IRAK2: variants seen among roughly 807,000 people sequenced by gnomAD.
IRAK2 encodes interleukin 1 receptor associated kinase 2.
In IRAK2, 57 loss-of-function variants were observed where a neutral mutation model predicts 72.0. That is an observed-to-expected ratio of 0.79 (90% confidence interval 0.64 to 0.99). The LOEUF is 0.99. IRAK2 is among the 50% of genes least tolerant of loss of function. The pLI, the probability that IRAK2 is intolerant of heterozygous loss-of-function variation, is 0.00. For synonymous variants in IRAK2, 293 were observed against 312.7 expected, an observed-to-expected ratio of 0.94 and a Z score of 0.67; for missense variants, 790 against 794.4, an observed-to-expected ratio of 0.99 and a Z score of 0.07.
Position 10,209,605 on chromosome 3 carries a change from A to G in IRAK2, c.441A>G (p.Arg147=), listed in dbSNP as rs1012658468. The change falls in exon 4 of 13, where the codon AGA becomes AGG. Residue 147 remains arginine (R), a synonymous_variant. Coordinates refer to ENST00000256458, the MANE Select transcript of IRAK2 (RefSeq NM_001570.4). The stretch of plus-strand genomic sequence containing the variant: ...CCTTTCCAGGGTCCTCTCCAGCCAG[A>G]GCCCACCAGCCGGCCTTTCTCCAGC... The part of the protein sequence containing the change: ...TFPGPGSSPA[R]AHQPAFLQPP... 4 of 1,564,410 alleles carry G rather than the reference A, an allele frequency of 2.6e-6. No homozygotes were observed. The African/African-American group carries it at 4.2e-5, about 16-fold the overall frequency.
chr3:10,165,295 C>T (rs1239476436), intron 1 of IRAK2, among the ~76,000 whole-genome samples: 1 of 152,078 alleles, frequency 6.6e-6, no homozygotes, highest in Non-Finnish European at 1.5e-5. Context: ...GTCCAGAGAA[C>T]GGTGGGTACG....
At position 10,209,646 on chromosome 3, in the gene IRAK2, C is replaced by T. The variant is rs750777387; in HGVS notation, c.482C>T (p.Ala161Val). ...TTTCTCCAGCCTCCTGAAGAAGATG[C>T]CCCTCATTCCTTGAGAAGCGACCTC... ...PAFLQPPEED[A>V]PHSLRSDLPT... Residue 161 changes from alanine to valine, a missense_variant, in exon 4 of 13, where the codon GCC becomes GTC. Physicochemically the swap from Ala to Val is moderately conservative, Grantham distance 64. Coordinates refer to ENST00000256458, the MANE Select transcript of IRAK2 (RefSeq NM_001570.4). The T allele has an allele frequency of 1.9e-6, 3 of 1,570,306 alleles. No homozygotes were observed. The highest frequency in any genetic ancestry group is 2.6e-6 in the Non-Finnish European group (3 of 1,160,598).
intron 3 of IRAK2, among the ~76,000 whole-genome samples, chr3:10,201,224 T>C (rs918761270): frequency 1.2e-4 from 19 of 152,236 alleles, no homozygotes; most frequent in African/African-American, 4.6e-4. Context: ...GCCCATTTCA[T>C]GGATGAGAAA....
intron 7 of IRAK2, 82 bp downstream of exon 7, chr3:10,217,130 C>A: frequency 1.9e-6 from 2 of 1,031,778 alleles, no homozygotes; most frequent in Non-Finnish European, 3.0e-6. Flanking sequence ...TACAGAAGTT[C>A]AGAGGGGAGA....
rs541843633 is a variant in IRAK2, at chr3:10,225,962, G to T, written c.1210-409G>T. 4.6e-5 allele frequency among the ~76,000 whole-genome samples: 7 copies of T among 152,218 alleles called. No homozygotes were observed. In the East Asian group the frequency reaches 1.3e-3, roughly 29 times the overall value. On this transcript the variant is annotated intron_variant, in intron 9 of 12. Transcript: ENST00000256458. Reference sequence around the variant, plus strand: ...GATCCGCCCACCTCAGCCTCCCAAAGTGCTGGGATTACAGGCATGATCCAC... The same window carrying T: ...GATCCGCCCACCTCAGCCTCCCAAATTGCTGGGATTACAGGCATGATCCAC...
intron 1 of IRAK2, 117 bp downstream of exon 1, chr3:10,165,165 G>A (rs1032263063): frequency 1.2e-6 from 1 of 848,654 alleles, no homozygotes; most frequent in Admixed American, 2.3e-5. Flanking sequence ...CGATCCGAGG[G>A]CGTGCGAGCT....
chr3:10,200,627 G>T (rs3844281), intron 3 of IRAK2, 112 bp downstream of exon 3: 1 of 879,076 alleles, frequency 1.1e-6, no homozygotes. Flanking sequence ...GGCTGAGCAT[G>T]GTGGCCCATG....
At chr3:10,230,958 G>C (rs1697851800) in intron 10 of IRAK2, among the ~76,000 whole-genome samples, 2 of 151,810 alleles carry the variant, frequency 1.3e-5, no homozygotes, top group South Asian at 4.2e-4. Flanking sequence ...TCACCATGTT[G>C]GCCAGGCTGG....
chr3:10,232,490 T>C (rs1009556219), intron 10 of IRAK2, among the ~76,000 whole-genome samples: 1 of 152,200 alleles, frequency 6.6e-6, no homozygotes, highest in Non-Finnish European at 1.5e-5. Flanking sequence ...GTGCTAAGAT[T>C]GATCAGTGGT....
chr3:10,169,963 ATTC>A (rs753541367), intron 1 of IRAK2, among the ~76,000 whole-genome samples: 162 of 152,358 alleles, frequency 1.1e-3, no homozygotes, highest in Non-Finnish European at 1.9e-3. Flanking sequence ...CACAAGTTGT[ATTC>A]TTCTGCCGTG....
chr3:10,170,759 C>G (rs570765305), intron 1 of IRAK2, among the ~76,000 whole-genome samples: 6 of 152,238 alleles, frequency 3.9e-5, no homozygotes, highest in African/African-American at 7.2e-5. Flanking sequence ...GGGCTGCCCA[C>G]TCTTACCCAT....
intron 8 of IRAK2, among the ~76,000 whole-genome samples, chr3:10,222,013 G>A (rs372293): frequency 6.6e-6 from 1 of 151,986 alleles, no homozygotes; most frequent in East Asian, 1.9e-4. Flanking sequence ...TCAGCCTCCT[G>A]AGTAGCTGGG....
At position 10,222,803 on chromosome 3, in the gene IRAK2, A is replaced by G. The variant is rs1346267080; in HGVS notation, c.1181A>G (p.Lys394Arg). The stretch of plus-strand genomic sequence containing the variant: ...TTCATCCGGGTGGGGCAGCTGACAA[A>G]GCGAGTGGACATCTTCAGCTGTGGA... ...EDFIRVGQLT[K>R]RVDIFSCGIV... Residue 394 changes from lysine to arginine, a missense_variant, in exon 9 of 13, where the codon AAG (lysine) becomes AGG (arginine). Lys to Arg is a conservative substitution (Grantham distance 26, BLOSUM62 2). Transcript: ENST00000256458. 6.2e-7 allele frequency: 1 copy of G among 1,614,166 alleles called. No individual in the cohort carries two copies. The highest frequency in any genetic ancestry group is 1.1e-5 in the South Asian group (1 of 91,086).
chr3:10,200,775 C>G (rs1347678459), intron 3 of IRAK2, among the ~76,000 whole-genome samples: 1 of 152,138 alleles, frequency 6.6e-6, no homozygotes, highest in Non-Finnish European at 1.5e-5. Flanking sequence ...TGGCATGCAC[C>G]TGGTAGTCCC....
chr3:10,166,193 G>C (rs147264956), intron 1 of IRAK2, among the ~76,000 whole-genome samples: 2 of 152,302 alleles, frequency 1.3e-5, no homozygotes, highest in Non-Finnish European at 2.9e-5. Flanking sequence ...ACATTGTTTT[G>C]ATCACAGTAT....
At position 10,165,804 on chromosome 3, in the gene IRAK2, C is replaced by T. The variant is rs966215635; in HGVS notation, c.94+756C>T. On this transcript the variant is annotated intron_variant, in intron 1 of 12. Coordinates refer to ENST00000256458, the MANE Select transcript of IRAK2 (RefSeq NM_001570.4). ...GGAGTGCAGTGGCGCGATCTAGGCT[C>T]GTTGCAAGCTCCGCCTCCCGGGTTC... 1.3e-4 allele frequency among the ~76,000 whole-genome samples: 19 copies of T among 144,328 alleles called. 1 individual carries two copies. Among genetic ancestry groups the T allele is most frequent in the Admixed American group, 7.2e-5 (1 of 13,822 alleles). The allele number at this position is 144,328 out of a possible 152,430, so 94.7% of individuals were successfully genotyped here.
intron 10 of IRAK2, among the ~76,000 whole-genome samples, chr3:10,227,332 C>G (rs1232269020): frequency 6.6e-6 from 1 of 151,970 alleles, no homozygotes; most frequent in Non-Finnish European, 1.5e-5. Flanking sequence ...CCTGTAATCC[C>G]AGCTACTTGG....
At chr3:10,207,545 G>GC (rs1299471521) in intron 3 of IRAK2, among the ~76,000 whole-genome samples, 9 of 152,168 alleles carry the variant, frequency 5.9e-5, no homozygotes, top group East Asian at 1.9e-4. Context: ...CCACCGAGGA[G>GC]CCCCCCTACC....
intron 2 of IRAK2, among the ~76,000 whole-genome samples, chr3:10,192,484 C>G (rs155584): frequency 0.67 from 102,128 of 152,166 alleles, 35,994 homozygotes; most frequent in African/African-American, 0.9. Flanking sequence ...AGGAACTGGG[C>G]CATAAACAAG....
Sources: gnomAD v4.1 joint callset for allele counts (sites outside exome capture counted in the v4.1 genomes callset) on GRCh38, gnomAD v4.1.1 for gene constraint, MANE v1.5 for transcripts, NCBI Gene and HGNC (gene_info 2026-07-23, HGNC 2026-07-21) for gene names.